The following TMEM161B variants were observed in gnomAD, a reference collection of about 807,000 sequenced individuals.
TMEM161B encodes transmembrane protein 161B.
In TMEM161B, 34 loss-of-function variants were observed where a neutral mutation model predicts 61.8. The ratio of observed to expected loss-of-function variants is 0.55; its 90% confidence interval spans 0.42 to 0.73. TMEM161B has a LOEUF of 0.73. TMEM161B is among the 30% of genes least tolerant of loss of function. The pLI is 0.00. For synonymous variants in TMEM161B, 167 were observed against 192.8 expected, an observed-to-expected ratio of 0.87 and a Z score of 1.11; for missense variants, 456 against 558.5, an observed-to-expected ratio of 0.82 and a Z score of 1.85.
At chr5:88,210,696 G>T (rs1175977307) in intron 5 of TMEM161B, among the ~76,000 whole-genome samples, 1 of 152,148 alleles carries the variant, frequency 6.6e-6, no homozygotes, top group Admixed American at 6.5e-5. Context: ...GAGATTAAGA[G>T]ATTCTCCTCT....
In TMEM161B at chr5:88,223,442, C is replaced by T. The variant is rs373257368; in HGVS notation, c.289+2327G>A. Among the ~76,000 whole-genome samples the T allele has an allele frequency of 1.1e-4, 16 of 152,156 alleles. No individual in the cohort carries two copies. In the East Asian group the frequency reaches 2.3e-3, roughly 22 times the overall value. ...GTTTATATATTCTTGTATTTATACA[C>T]GTCTATGAACATTTTATACAAGTAA... On this transcript the variant is annotated intron_variant, in intron 4 of 11. Coordinates refer to ENST00000296595, the MANE Select transcript of TMEM161B (RefSeq NM_153354.5).
intron 5 of TMEM161B, among the ~76,000 whole-genome samples, chr5:88,215,751 T>G (rs986312006): frequency 2.6e-5 from 4 of 152,208 alleles, no homozygotes; most frequent in Non-Finnish European, 4.4e-5. Flanking sequence ...GTGGGACCTT[T>G]GCTCCCACAT....
downstream of TMEM161B, among the ~76,000 whole-genome samples, chr5:88,192,338 T>A (rs1021051398): frequency 6.6e-6 from 1 of 150,982 alleles, no homozygotes; most frequent in African/African-American, 2.4e-5. Flanking sequence ...AAAAAAGGAG[T>A]CCCATGGTAA....
At chr5:88,261,419 A>C (rs529688522) in intron 1 of TMEM161B, among the ~76,000 whole-genome samples, 17 of 152,180 alleles carry the variant, frequency 1.1e-4, no homozygotes, top group African/African-American at 4.1e-4. Context: ...AAAAGAAAAG[A>C]AAAGAAAGAA....
intron 1 of TMEM161B, 37 bp from the exon 2 acceptor site, chr5:88,240,953 A>C: frequency 1.4e-6 from 2 of 1,430,176 alleles, no homozygotes; most frequent in Non-Finnish European, 1.9e-6. Flanking sequence ...ATAATGAATG[A>C]TTTTGGATTT....
intron 9 of TMEM161B, chr5:88,202,476 G>C (rs1009700878): frequency 5.3e-6 from 1 of 187,736 alleles, no homozygotes. Context: ...AGTACTAAGG[G>C]ATAAAACTGT....
intron 1 of TMEM161B, among the ~76,000 whole-genome samples, chr5:88,249,003 G>T (rs967055935): frequency 1.4e-4 from 22 of 152,076 alleles, no homozygotes; most frequent in Admixed American, 3.9e-4. Context: ...CCAAAGAAAT[G>T]GAAAGTGGTT....
chr5:88,192,871 A>G (rs899722024), downstream of TMEM161B, among the ~76,000 whole-genome samples: 2 of 152,248 alleles, frequency 1.3e-5, no homozygotes, highest in Non-Finnish European at 2.9e-5. Context: ...TTCATTTGAA[A>G]GAATAATATC....
intron 5 of TMEM161B, among the ~76,000 whole-genome samples, chr5:88,211,834 T>C (rs1262898856): frequency 6.7e-6 from 1 of 150,150 alleles, no homozygotes; most frequent in Non-Finnish European, 1.5e-5. Context: ...ATACAATATC[T>C]GACTAATGAA....
chr5:88,250,195 G>A (rs1754150930), intron 1 of TMEM161B, among the ~76,000 whole-genome samples: 1 of 148,464 alleles, frequency 6.7e-6, no homozygotes, highest in Non-Finnish European at 1.5e-5. Context: ...GAGAGAGAAA[G>A]AGAGAGAGAG....
intron 4 of TMEM161B, among the ~76,000 whole-genome samples, chr5:88,224,828 T>C (rs781779119): frequency 3.3e-5 from 5 of 152,192 alleles, no homozygotes; most frequent in Non-Finnish European, 5.9e-5. Context: ...TGAAGACTTT[T>C]ATGATGATCC....
chr5:88,207,520 A>C (rs917610632), intron 5 of TMEM161B, among the ~76,000 whole-genome samples: 3 of 152,180 alleles, frequency 2.0e-5, no homozygotes, highest in African/African-American at 7.2e-5. Context: ...TAAACACATA[A>C]CACAGGAATC....
At chr5:88,190,281 C>T (rs554527901), downstream of TMEM161B, 585 of 694,862 alleles carry the variant, frequency 8.4e-4, 8 homozygotes, top group South Asian at 7.8e-3. Flanking sequence ...GGTAACACAC[C>T]GCTGTGTCAG....
chr5:88,227,077 T>C (rs1184390560), intron 3 of TMEM161B, among the ~76,000 whole-genome samples: 1 of 152,092 alleles, frequency 6.6e-6, no homozygotes, highest in Non-Finnish European at 1.5e-5. Flanking sequence ...TGGTCTCAGC[T>C]ACTCGTGAGG....
At chr5:88,204,194 T>TG (rs1745005664) in intron 8 of TMEM161B, among the ~76,000 whole-genome samples, 1 of 152,072 alleles carries the variant, frequency 6.6e-6, no homozygotes, top group Non-Finnish European at 1.5e-5. Context: ...TGCCTAGCCA[T>TG]GGGGGTGAAG....
At chr5:88,203,246 T>C (rs1012998117) in intron 8 of TMEM161B, among the ~76,000 whole-genome samples, 171 bp from the exon 9 acceptor site, 3 of 152,128 alleles carry the variant, frequency 2.0e-5, no homozygotes, top group African/African-American at 7.2e-5. Flanking sequence ...TAACACTGAT[T>C]TGAGCCTGTG....
At chr5:88,215,265 C>T (rs956221513) in intron 5 of TMEM161B, among the ~76,000 whole-genome samples, 1 of 152,144 alleles carries the variant, frequency 6.6e-6, no homozygotes, top group Non-Finnish European at 1.5e-5. Flanking sequence ...TGTTTGACTA[C>T]TAAGTAGGCA....
chr5:88,187,488 T>A (rs1405293731), downstream of TMEM161B, among the ~76,000 whole-genome samples: 2 of 152,206 alleles, frequency 1.3e-5, no homozygotes, highest in Admixed American at 1.3e-4. Flanking sequence ...TTATGTCTAC[T>A]TTAATTTCTC....
intron 1 of TMEM161B, among the ~76,000 whole-genome samples, chr5:88,260,394 A>G (rs900660768): frequency 1.3e-5 from 2 of 152,168 alleles, no homozygotes; most frequent in Non-Finnish European, 2.9e-5. Flanking sequence ...TTCTAGTTCA[A>G]GCACACTTTC....
Sources: gnomAD v4.1 joint callset for allele counts (sites outside exome capture counted in the v4.1 genomes callset) on GRCh38, gnomAD v4.1.1 for gene constraint, MANE v1.5 for transcripts, NCBI Gene and HGNC (gene_info 2026-07-23, HGNC 2026-07-21) for gene names.